LRRIQ1: variants seen among roughly 807,000 people sequenced by gnomAD.
The protein encoded by LRRIQ1 is leucine rich repeats and IQ motif containing 1.
LRRIQ1 carries 210 observed loss-of-function variants against 211.9 expected under a neutral mutation model. The observed-to-expected ratio is 0.99, with a 90% CI of 0.89 to 1.11. LRRIQ1 has a LOEUF of 1.11. Among genes scored for constraint, LRRIQ1 ranks in the 50% most tolerant of loss-of-function variants. The pLI is 0.00. For missense variants in LRRIQ1, 2,136 were observed against 1,939.5 expected, an observed-to-expected ratio of 1.10 and a Z score of -1.90; for synonymous variants, 699 against 650.1, an observed-to-expected ratio of 1.08 and a Z score of -1.14.
At chr12:85,229,463 G>A (rs1215040434) in intron 24 of LRRIQ1, 54 bp from the exon 25 acceptor site, 5 of 1,487,946 alleles carry the variant, frequency 3.4e-6, no homozygotes, top group Non-Finnish European at 3.6e-6. Flanking sequence ...GAACTGGTTG[G>A]CCAAAGTTTG....
chr12:85,238,085 G>A (rs779572845), intron 26 of LRRIQ1, among the ~76,000 whole-genome samples: 25 of 151,352 alleles, frequency 1.7e-4, no homozygotes, highest in Admixed American at 4.0e-4. Context: ...TAAAAAATAA[G>A]AAAATAGAAA....
At chr12:85,188,741 T>C (rs575772890) in intron 24 of LRRIQ1, among the ~76,000 whole-genome samples, 30 of 152,264 alleles carry the variant, frequency 2.0e-4, no homozygotes, top group African/African-American at 7.0e-4. Context: ...AACTAAAGGA[T>C]TTACATCCTG....
At chr12:85,083,834 C>T (rs992665344) in intron 11 of LRRIQ1, among the ~76,000 whole-genome samples, 1 of 152,200 alleles carries the variant, frequency 6.6e-6, no homozygotes, top group African/African-American at 2.4e-5. Context: ...CATCCAGATA[C>T]AGCCAGTATG....
At chr12:85,254,646 G>A (rs532148407) in intron 1 of LRRIQ1, among the ~76,000 whole-genome samples, 94 of 152,030 alleles carry the variant, frequency 6.2e-4, no homozygotes, top group Middle Eastern at 3.4e-3. Flanking sequence ...CTTGTACATG[G>A]CCTTTACAAA....
intron 1 of LRRIQ1, among the ~76,000 whole-genome samples, chr12:85,250,701 C>G (rs1365341240): frequency 6.9e-6 from 1 of 145,570 alleles, no homozygotes; most frequent in Non-Finnish European, 1.5e-5. Flanking sequence ...AATCACACCA[C>G]TGGACTTCAG....
intron 11 of LRRIQ1, among the ~76,000 whole-genome samples, chr12:85,094,768 A>G (rs893671983): frequency 5.9e-5 from 9 of 151,860 alleles, no homozygotes; most frequent in African/African-American, 2.2e-4. Context: ...TTTCCATTGT[A>G]TTATCTCTGA....
chr12:85,096,450 C>G (rs1447391351), intron 11 of LRRIQ1, among the ~76,000 whole-genome samples: 4 of 151,764 alleles, frequency 2.6e-5, no homozygotes, highest in African/African-American at 9.7e-5. Context: ...AGTTGATTTC[C>G]CTGTAGTTGT....
At chr12:85,152,004 G>A (rs1341281305) in intron 19 of LRRIQ1, among the ~76,000 whole-genome samples, 1 of 151,648 alleles carries the variant, frequency 6.6e-6, no homozygotes, top group African/African-American at 2.4e-5. Context: ...GTTATAAACA[G>A]TTAAATACAC....
chr12:85,126,089 T>G (rs1888355064), intron 17 of LRRIQ1, among the ~76,000 whole-genome samples: 1 of 152,212 alleles, frequency 6.6e-6, no homozygotes, highest in Admixed American at 6.5e-5. Flanking sequence ...ATCATGGAGT[T>G]GTTTTTCTTA....
intron 11 of LRRIQ1, among the ~76,000 whole-genome samples, chr12:85,088,269 T>C (rs1317518022): frequency 6.6e-6 from 1 of 152,168 alleles, no homozygotes; most frequent in Admixed American, 6.5e-5. Flanking sequence ...TGTGTGGTAT[T>C]ATTTCTGAGG....
chr12:85,240,889 A>G (rs1234761359), intron 26 of LRRIQ1, among the ~76,000 whole-genome samples: 1 of 152,140 alleles, frequency 6.6e-6, no homozygotes, highest in Non-Finnish European at 1.5e-5. Flanking sequence ...GGAGAACAAC[A>G]GAGTTTCTTT....
intron 25 of LRRIQ1, among the ~76,000 whole-genome samples, chr12:85,230,602 CTAACAATATGATATAAA>C (rs1227363166): frequency 6.6e-6 from 1 of 152,002 alleles, no homozygotes; most frequent in Non-Finnish European, 1.5e-5. Context: ...AATCCAGCCC[CTAACAATATGATATAAA>C]GCATATACGC....
intron 12 of LRRIQ1, 58 bp from the exon 13 acceptor site, chr12:85,098,808 TG>T: frequency 1.6e-6 from 2 of 1,272,694 alleles, no homozygotes; most frequent in Non-Finnish European, 2.1e-6. Flanking sequence ...ATTTTTTAAT[TG>T]GGCTAAATGA....
Position 85,038,247 on chromosome 12 carries a change from T to G in LRRIQ1, c.71T>G (p.Leu24Trp), listed in dbSNP as rs753427296. The G allele has an allele frequency of 8.2e-6, 13 of 1,587,412 alleles. No homozygotes were observed. The Admixed American group carries it at 2.1e-4, about 26-fold the overall frequency. ...AELDKLSISS[L>W]EKEDIESDAK... is the part of the protein sequence containing the mutation. Reference sequence around the variant, plus strand: ...TTGGATAAACTCAGCATTTCCTCCTTGGAAAAAGAAGACATTGAGAGTGAT... The same window carrying G: ...TTGGATAAACTCAGCATTTCCTCCTGGGAAAAAGAAGACATTGAGAGTGAT... Residue 24 changes from leucine to tryptophan, a missense_variant, in exon 2 of 27, where the codon TTG becomes TGG. Transcript: ENST00000393217.
chr12:85,174,700 T>TAAAAAAAAAAAAAAAAAAAAAA (rs1565884602), intron 24 of LRRIQ1, among the ~76,000 whole-genome samples: 1 of 12,462 alleles, frequency 8.0e-5, no homozygotes, highest in Non-Finnish European at 1.2e-4. Flanking sequence ...AGAGTACAGC[T>TAAAAAAAAAAAAAAAAAAAAAA]CAAAAAAAAA....
chr12:85,169,023 A>G (rs1891284882), intron 24 of LRRIQ1, among the ~76,000 whole-genome samples: 2 of 152,322 alleles, frequency 1.3e-5, no homozygotes, highest in Non-Finnish European at 2.9e-5. Context: ...GGAAATTATT[A>G]TATACCATAT....
rs555795857 is a variant in LRRIQ1 at position 85,141,706 on chromosome 12, T to C, written c.4329+3737T>C. On this transcript the variant is annotated intron_variant, in intron 19 of 26. Transcript: ENST00000393217. ...CATATAGTTGGGTTCTGCTTATTTTTATATTTTATTCTGGCATTATTTTTA... is the reference window on the plus strand; with the variant it reads ...CATATAGTTGGGTTCTGCTTATTTTCATATTTTATTCTGGCATTATTTTTA... Among the ~76,000 whole-genome samples the C allele has an allele frequency of 7.3e-5, 11 of 151,378 alleles. No homozygotes were observed. The South Asian group carries it at 2.3e-3, about 31-fold the overall frequency.
At chr12:85,214,311 C>T (rs914106483) in intron 24 of LRRIQ1, among the ~76,000 whole-genome samples, 2 of 152,014 alleles carry the variant, frequency 1.3e-5, no homozygotes, top group African/African-American at 4.8e-5. Flanking sequence ...ACTACAATCT[C>T]AATTAAATCC....
At position 85,108,449 on chromosome 12, in the gene LRRIQ1, T is replaced by C. The variant is rs190718816; in HGVS notation, c.3377+1834T>C. 2.6e-5 allele frequency among the ~76,000 whole-genome samples: 4 copies of C among 152,276 alleles called. No individual in the cohort carries two copies. In the East Asian group the frequency reaches 7.7e-4, roughly 29 times the overall value. On this transcript the variant is annotated intron_variant, in intron 15 of 26. Transcript: ENST00000393217. The stretch of plus-strand genomic sequence containing the variant: ...GGTCTTCTATGTATTCTTTTAACTT[T>C]GCCTGTGGGAACTAATCTCCTATGT...
Sources: gnomAD v4.1 joint callset for allele counts (sites outside exome capture counted in the v4.1 genomes callset) on GRCh38, gnomAD v4.1.1 for gene constraint, MANE v1.5 for transcripts, NCBI Gene and HGNC (gene_info 2026-07-23, HGNC 2026-07-21) for gene names.